The following ADCY4 variants were observed in gnomAD, a reference collection of about 807,000 sequenced individuals.
ADCY4 encodes the protein adenylate cyclase type 4.
ADCY4 carries 111 observed loss-of-function variants against 125.5 expected under a neutral mutation model. The ratio of observed to expected loss-of-function variants is 0.88; its 90% CI spans 0.76 to 1.04. The LOEUF is 1.04. Among genes scored for constraint, ADCY4 ranks in the 50% least tolerant of loss-of-function variants. The pLI, the probability that ADCY4 is intolerant of heterozygous loss-of-function variation, is 0.00. For missense variants in ADCY4, 1,256 were observed against 1,382.9 expected (o/e 0.91, Z 1.46); for synonymous variants, 576 against 586.9 (o/e 0.98, Z 0.27).
At chr14:24,332,325 T>G in intron 3 of ADCY4, 197 bp downstream of exon 3, 1 of 576,524 alleles carries the variant, frequency 1.7e-6, no homozygotes, top group Non-Finnish European at 2.9e-6. Context: ...CTCCCTTCCG[T>G]GTGGCCTGGA....
Position 24,329,391 on chromosome 14 carries a change from G to T in ADCY4, c.1350+10C>A. ...TAGGCCAGCCCATGGGGTCTGGGCT[G>T]GGCTTTTACCCGTGGATCGATGACC... On this transcript the variant is annotated intron_variant, in intron 9 of 24. Transcript: ENST00000418030. 1.3e-6 allele frequency: 2 copies of T among 1,549,222 alleles called. No individual in the cohort carries two copies. The highest frequency in any genetic ancestry group is 1.7e-6 in the Non-Finnish European group (2 of 1,151,442).
At chr14:24,329,355 G>T in intron 9 of ADCY4, 46 bp downstream of exon 9, 1 of 1,548,752 alleles carries the variant, frequency 6.5e-7, no homozygotes, top group East Asian at 2.3e-5. Flanking sequence ...TTGGCTGTGG[G>T]GTGGTTTGTG....
rs748009311 is a variant in ADCY4, at chr14:24,318,526, T to C, written c.3124A>G (p.Thr1042Ala). 5 of 1,614,154 alleles carry C rather than the reference T, an allele frequency of 3.1e-6. No homozygotes were observed. Among genetic ancestry groups the C allele is most frequent in the Non-Finnish European group, 4.2e-6 (5 of 1,180,022 alleles). ...TTGATGACACCCCGGCTGTAGCAGG[T>C]GTAGCCCAGGGACTGTAGGGCCCAT... Reference protein sequence around the residue: ...TAWALQSLGYTCYSRGVIKVK... With the variant: ...TAWALQSLGYACYSRGVIKVK... Residue 1042 changes from threonine to alanine, a missense_variant, in exon 25 of 25, where the codon ACC becomes GCC. Transcript: ENST00000418030.
In ADCY4 at chr14:24,329,241, C is replaced by G. The variant is rs1350737151; in HGVS notation, c.1351-7G>C. The G allele has an allele frequency of 6.2e-7, 1 of 1,612,784 alleles. No homozygotes were observed. The highest frequency in any genetic ancestry group is 1.3e-5 in the African/African-American group (1 of 74,878). ...TCTCATCCTCCTCCTCTGCCTGGGG[C>G]ACATAAGGGCTGACAGTAAAGACCA... is the stretch of plus-strand genomic sequence containing the variant. On this transcript the variant is annotated splice_region_variant and splice_polypyrimidine_tract_variant and intron_variant, in intron 9 of 24. Transcript: ENST00000418030.
At chr14:24,324,616 G>T (rs1199637449) in intron 14 of ADCY4, among the ~76,000 whole-genome samples, 1 of 152,208 alleles carries the variant, frequency 6.6e-6, no homozygotes, top group African/African-American at 2.4e-5. Flanking sequence ...CCATATGGTG[G>T]GGAGTGGGGG....
intron 1 of ADCY4, 100 bp from the exon 2 acceptor site, chr14:24,333,088 G>A (rs2042072476): frequency 8.1e-7 from 1 of 1,232,838 alleles, no homozygotes; most frequent in Admixed American, 3.2e-5. Flanking sequence ...AGTTCTGAAA[G>A]GTGTCTCAAG....
rs1426404627 is a variant in ADCY4, at chr14:24,318,421, C to G, written c.3229G>C (p.Gly1077Arg). 6.2e-7 allele frequency: 1 copy of G among 1,613,968 alleles called. No individual in the cohort carries two copies. The change falls in exon 25 of 25, where the codon GGC becomes CGC. Residue 1077 changes from glycine (G) to arginine (R), a missense_variant. Physicochemically the swap from Gly to Arg is moderately radical, Grantham distance 125. Coordinates refer to ENST00000418030, the MANE Select transcript of ADCY4 (RefSeq NM_001198568.2). ...CTTAGAAGGCGAGTGCAATCTCAGC[C>G]TAGGGTAGCTGAAGGAGGTCCAGTT... ...TRTGPPSATL[G>R] is the part of the protein sequence containing the mutation.
chr14:24,326,563 C>T, intron 10 of ADCY4: 3 of 579,276 alleles, frequency 5.2e-6, no homozygotes, highest in Non-Finnish European at 9.2e-6. Context: ...TCTAGACTCC[C>T]AGGATCTTTG....
intron 19 of ADCY4, 90 bp downstream of exon 19, chr14:24,322,534 G>T (rs2041868537): frequency 1.5e-5 from 20 of 1,368,684 alleles, no homozygotes; most frequent in Non-Finnish European, 2.0e-5. Flanking sequence ...CTTCCAATGG[G>T]CATTCAACCC....
In ADCY4 at chr14:24,331,742, A is replaced by G. The variant is rs371584339; in HGVS notation, c.669+46T>C. The G allele has an allele frequency of 2.1e-5, 31 of 1,486,778 alleles. No individual in the cohort carries two copies. In the African/African-American group the frequency reaches 4.1e-4, roughly 20 times the overall value. The allele number at this position is 1,486,778 out of a possible 1,614,324, so 92.1% of individuals were successfully genotyped here. A position where few individuals can be genotyped will look rare whatever the true frequency, so the allele number is the denominator to read the frequency against. On this transcript the variant is annotated intron_variant, in intron 4 of 24. Coordinates refer to ENST00000418030, the MANE Select transcript of ADCY4 (RefSeq NM_001198568.2). ...GGAGCCCCGTTATGTAATCTAAGCA[A>G]CTCCTCCCTCGGAGCGCTGCTCTGA... is the stretch of plus-strand genomic sequence containing the variant.
At chr14:24,332,213 G>T in intron 3 of ADCY4, 1 of 461,596 alleles carries the variant, frequency 2.2e-6, no homozygotes, top group Non-Finnish European at 3.7e-6. Context: ...CTCCACTGTC[G>T]CTACCCACTC....
intron 8 of ADCY4, 91 bp downstream of exon 8, chr14:24,329,769 G>A: frequency 6.5e-7 from 1 of 1,537,312 alleles, no homozygotes; most frequent in Non-Finnish European, 8.8e-7. Flanking sequence ...TACTCATCTT[G>A]TGCTTATCTT....
rs1198406863 is a variant in ADCY4, at chr14:24,326,335, G to A, written c.1532C>T (p.Thr511Ile). ...VSTSTPLPEK[T>I]LASFSTQWSL... ...CCACTGGGTGCTGAAGGAAGCCAGG[G>A]TCTTCTCCTGTTGGGAGAGCACAGG... Residue 511 changes from threonine to isoleucine, a missense_variant, in exon 11 of 25, where the codon ACC becomes ATC. Physicochemically the swap from Thr to Ile is moderately conservative, Grantham distance 89 (BLOSUM62 -1). Transcript: ENST00000418030. 2 of 1,613,438 alleles carry A rather than the reference G, an allele frequency of 1.2e-6. No individual in the cohort carries two copies. Among genetic ancestry groups the A allele is most frequent in the Admixed American group, 3.3e-5 (2 of 59,964 alleles).
Position 24,329,846 on chromosome 14 carries a change from G to A in ADCY4, c.1217+14C>T. ...TGGCCTTCTGCTGTAGCTGCCTAGG[G>A]CCCTAGGTCTCACCCTGGTACACCG... is the stretch of plus-strand genomic sequence containing the variant. On this transcript the variant is annotated intron_variant, in intron 8 of 24. Coordinates refer to ENST00000418030, the MANE Select transcript of ADCY4 (RefSeq NM_001198568.2). 1.2e-6 allele frequency: 2 copies of A among 1,610,366 alleles called. No individual in the cohort carries two copies. The highest frequency in any genetic ancestry group is 1.7e-6 in the Non-Finnish European group (2 of 1,177,658).
intron 10 of ADCY4, among the ~76,000 whole-genome samples, chr14:24,326,896 A>ATTTTTTTTTTTTTTTTTTT (rs3078135): frequency 1.8e-5 from 2 of 109,940 alleles, no homozygotes; most frequent in African/African-American, 7.8e-5. Context: ...ACCTGGCTGG[A>ATTTTTTTTTTTTTTTTTTT]TTTTTTTTTT....
Position 24,322,991 on chromosome 14 carries a change from G to T in ADCY4, c.2255C>A (p.Ala752Glu), listed in dbSNP as rs200813601. The change falls in exon 18 of 25, where the codon GCG (alanine) becomes GAG (glutamate). Residue 752 changes from alanine (A) to glutamate (E), a missense_variant. Transcript: ENST00000418030. The stretch of plus-strand genomic sequence containing the variant: ...GTGCAGGAAGAGGGAGCAGGATGCC[G>T]CCAGCCACAGCAGGAGCAGCAGCAG... ...LKLLLLLLWLAASCSLFLHSH... is the reference protein window; with the variant it reads ...LKLLLLLLWLEASCSLFLHSH... 5 of 1,612,236 alleles carry T rather than the reference G, an allele frequency of 3.1e-6. No individual in the cohort carries two copies. The highest frequency in any genetic ancestry group is 1.3e-5 in the African/African-American group (1 of 74,998).
rs559539853 is a variant in ADCY4, at chr14:24,328,184, G to T, written c.1524+877C>A. ...GGATCATGGTCCAGCGGTAGCAAAA[G>T]GTGTCAAGAAACAACACCAGCTACT... On this transcript the variant is annotated intron_variant, in intron 10 of 24. Coordinates refer to ENST00000418030, the MANE Select transcript of ADCY4 (RefSeq NM_001198568.2). Among the ~76,000 whole-genome samples, 1,017 of 148,828 alleles carry T rather than the reference G, an allele frequency of 6.8e-3. 15 individuals carry two copies. The highest frequency in any genetic ancestry group is 0.024 in the African/African-American group (949 of 40,106).
At position 24,329,173 on chromosome 14, in the gene ADCY4, T is replaced by C. The variant is rs1594663892; in HGVS notation, c.1412A>G (p.Lys471Arg). The C allele has an allele frequency of 1.2e-5, 19 of 1,613,956 alleles. No homozygotes were observed. The highest frequency in any genetic ancestry group is 1.6e-5 in the Non-Finnish European group (19 of 1,179,918). Residue 471 changes from lysine (K) to arginine (R), a missense_variant, in exon 10 of 25, where the codon AAG (lysine) becomes AGG (arginine). By Grantham distance (26) the Lys-to-Arg change is conservative (BLOSUM62 2). Transcript: ENST00000418030. Reference sequence around the variant, plus strand: ...GGTCATCAGCAGTGATGGACGCATCTTGAGGCCCTCAAGCGAGGACAGCAA... The same window carrying C: ...GGTCATCAGCAGTGATGGACGCATCCTGAGGCCCTCAAGCGAGGACAGCAA... The part of the protein sequence containing the change: ...GGLLSSLEGL[K>R]MRPSLLMTRY...
chr14:24,332,845 T>G lies in ADCY4; in HGVS notation c.303A>C (p.Leu101=). ...PLSGLVWVAL[L]ALGHAFLFTG... is the part of the protein sequence containing the mutation. ...TGAACAGGAAGGCGTGGCCTAGCGC[T>G]AGCAGCGCGACCCATACCAAGCCGG... Residue 101 remains leucine, a synonymous_variant, in exon 2 of 25, where the codon CTA becomes CTC. Transcript: ENST00000418030. 7 of 1,594,554 alleles carry G rather than the reference T, an allele frequency of 4.4e-6. No homozygotes were observed. The highest frequency in any genetic ancestry group is 6.0e-6 in the Non-Finnish European group (7 of 1,168,944).
Sources: allele counts gnomAD v4.1 joint callset (sites outside exome capture counted in the v4.1 genomes callset), GRCh38; gene constraint gnomAD v4.1.1; transcripts MANE v1.5; gene names NCBI Gene and HGNC (gene_info 2026-07-23, HGNC 2026-07-21).